The following SNAP91 variants were observed in gnomAD, a reference collection of about 807,000 sequenced individuals.
The protein encoded by SNAP91 is clathrin coat assembly protein AP180.
Under a neutral mutation model 100.3 loss-of-function variants are expected in SNAP91, and 27 were observed. The ratio of observed to expected loss-of-function variants is 0.27; its 90% CI spans 0.20 to 0.37. The LOEUF is 0.37. SNAP91 is among the 10% of genes least tolerant of loss of function. SNAP91 has a pLI of 1.00. For missense variants in SNAP91, 986 were observed against 1,123.7 expected, an observed-to-expected ratio of 0.88 and a Z score of 1.75; for synonymous variants, 404 against 398.6, an observed-to-expected ratio of 1.01 and a Z score of -0.16.
At chr6:83,657,810 A>G (rs763672434) in intron 6 of SNAP91, among the ~76,000 whole-genome samples, 3 of 151,424 alleles carry the variant, frequency 2.0e-5, no homozygotes, top group Non-Finnish European at 4.4e-5. Context: ...TCTGTCGTCT[A>G]GACTGGAGTG....
rs969872336 is a variant in SNAP91 at position 83,614,770 on chromosome 6, C to G, written c.884+87G>C. 4.3e-5 allele frequency: 43 copies of G among 996,596 alleles called. No homozygotes were observed. The Middle Eastern group carries it at 6.4e-4, about 15-fold the overall frequency. 61.7% of individuals were successfully genotyped at this position (996,596 alleles called of 1,614,324 possible). A position where few individuals can be genotyped will look rare whatever the true frequency, so the allele number is the denominator to read the frequency against. ...GGGACAGAAATCAGTTTTAAATCTT[C>G]TAAATACCAAATGTGGAATCTTAAG... On this transcript the variant is annotated intron_variant, in intron 11 of 29. Transcript: ENST00000369694.
intron 8 of SNAP91, among the ~76,000 whole-genome samples, chr6:83,623,871 A>G (rs2096830403): frequency 6.6e-6 from 1 of 152,108 alleles, no homozygotes; most frequent in Non-Finnish European, 1.5e-5. Context: ...AACACAAATA[A>G]TAACATATTA....
chr6:83,593,650 A>G lies in SNAP91; in HGVS notation c.1524T>C (p.Val508=), dbSNP rs2094112148. The G allele has an allele frequency of 1.2e-6, 2 of 1,613,354 alleles. No homozygotes were observed. Among genetic ancestry groups the G allele is most frequent in the Non-Finnish European group, 1.7e-6 (2 of 1,179,632 alleles). Residue 508 remains valine (V), a synonymous_variant, in exon 18 of 30, where the codon GTT becomes GTC. Coordinates refer to ENST00000369694, the MANE Select transcript of SNAP91 (RefSeq NM_001242792.2). ...MKPPETSVPV[V]TPTASTAPPV... is the part of the protein sequence containing the mutation. ...GAGGGGCTGTGCTAGCTGTAGGGGTAACTACAGGAACACTGGTCTCAGGTG... is the reference window on the plus strand; with the variant it reads ...GAGGGGCTGTGCTAGCTGTAGGGGTGACTACAGGAACACTGGTCTCAGGTG...
chr6:83,676,350 G>A (rs1176902176), intron 2 of SNAP91, among the ~76,000 whole-genome samples: 1 of 152,024 alleles, frequency 6.6e-6, no homozygotes, highest in East Asian at 1.9e-4. Context: ...AAAAAAGTAA[G>A]AAGAGAAATA....
At chr6:83,557,408 G>A (rs1780400178) in intron 28 of SNAP91, among the ~76,000 whole-genome samples, 1 of 151,920 alleles carries the variant, frequency 6.6e-6, no homozygotes. Context: ...GCTCACATCT[G>A]TAAAATCCCA....
intron 2 of SNAP91, among the ~76,000 whole-genome samples, chr6:83,706,433 A>G (rs772027457): frequency 2.6e-5 from 4 of 152,248 alleles, no homozygotes; most frequent in Admixed American, 6.5e-5. Flanking sequence ...TGTACTGCAT[A>G]TATAACATAT....
chr6:83,585,754 C>G (rs1380063186), intron 22 of SNAP91, among the ~76,000 whole-genome samples: 1 of 151,906 alleles, frequency 6.6e-6, no homozygotes, highest in Non-Finnish European at 1.5e-5. Context: ...TAATGAAGTT[C>G]TATTGATTCA....
At chr6:83,595,855 G>C (rs1017751945) in intron 16 of SNAP91, among the ~76,000 whole-genome samples, 2 of 152,194 alleles carry the variant, frequency 1.3e-5, no homozygotes, top group Admixed American at 6.5e-5. Context: ...CCCAAACTGA[G>C]TATGAAACAC....
chr6:83,600,352 G>T (rs1000090682), intron 16 of SNAP91, among the ~76,000 whole-genome samples: 6 of 152,138 alleles, frequency 3.9e-5, no homozygotes, highest in African/African-American at 9.7e-5. Flanking sequence ...ACCAAAGCCT[G>T]CCAAATCTCT....
chr6:83,697,052 C>T (rs537741869), intron 2 of SNAP91, among the ~76,000 whole-genome samples: 2 of 151,906 alleles, frequency 1.3e-5, no homozygotes, highest in East Asian at 3.9e-4. Flanking sequence ...GCAAAAGAAC[C>T]CTAAGTTTTA....
chr6:83,603,310 C>G (rs77776337), intron 14 of SNAP91, among the ~76,000 whole-genome samples: 1 of 152,108 alleles, frequency 6.6e-6, no homozygotes, highest in Non-Finnish European at 1.5e-5. Flanking sequence ...CATTAGCTTA[C>G]CTATTGGGAC....
chr6:83,629,883 C>G (rs745585351), intron 8 of SNAP91, among the ~76,000 whole-genome samples: 1 of 152,012 alleles, frequency 6.6e-6, no homozygotes, highest in Non-Finnish European at 1.5e-5. Flanking sequence ...ACTTCCGGTA[C>G]TATGTTGAAG....
At chr6:83,648,921 G>A (rs2128625606) in intron 7 of SNAP91, among the ~76,000 whole-genome samples, 1 of 152,178 alleles carries the variant, frequency 6.6e-6, no homozygotes, top group Admixed American at 6.5e-5. Flanking sequence ...GTCTTTTGAG[G>A]AGCATGAGTA....
chr6:83,566,804 G>T (rs1328805041), intron 26 of SNAP91, among the ~76,000 whole-genome samples: 1 of 152,088 alleles, frequency 6.6e-6, no homozygotes, highest in African/African-American at 2.4e-5. Flanking sequence ...ACTTTATCAA[G>T]CAGAGATCAA....
At chr6:83,562,203 C>T (rs1788945431) in intron 26 of SNAP91, among the ~76,000 whole-genome samples, 1 of 152,128 alleles carries the variant, frequency 6.6e-6, no homozygotes, top group African/African-American at 2.4e-5. Context: ...ATTACCCTGA[C>T]ACCAAAGGCA....
At chr6:83,578,009 G>T (rs1218507879) in intron 24 of SNAP91, among the ~76,000 whole-genome samples, 1 of 152,008 alleles carries the variant, frequency 6.6e-6, no homozygotes, top group Non-Finnish European at 1.5e-5. Flanking sequence ...CTTTCACTTG[G>T]CATGTTTTCA....
intron 2 of SNAP91, among the ~76,000 whole-genome samples, chr6:83,691,295 T>A (rs2099127193): frequency 6.6e-6 from 1 of 152,146 alleles, no homozygotes; most frequent in African/African-American, 2.4e-5. Context: ...ATGATTAAAT[T>A]ATCCACTAAC....
At chr6:83,702,646 AT>A (rs1156288869) in intron 2 of SNAP91, among the ~76,000 whole-genome samples, 1 of 152,176 alleles carries the variant, frequency 6.6e-6, no homozygotes, top group Non-Finnish European at 1.5e-5. Context: ...CTTTTTAAAA[AT>A]CAAATTGAGT....
chr6:83,679,704 AACT>A (rs1436066630), intron 2 of SNAP91, among the ~76,000 whole-genome samples: 1 of 152,184 alleles, frequency 6.6e-6, no homozygotes, highest in Non-Finnish European at 1.5e-5. Flanking sequence ...CCCCAAATAG[AACT>A]TTATGTTTTT....
Sources: allele counts gnomAD v4.1 joint callset (sites outside exome capture counted in the v4.1 genomes callset), GRCh38; gene constraint gnomAD v4.1.1; transcripts MANE v1.5; gene names NCBI Gene and HGNC (gene_info 2026-07-23, HGNC 2026-07-21).